NAV1: variants seen among roughly 807,000 people sequenced by gnomAD.
NAV1 encodes the protein neuron navigator 1, also known as pore membrane and/or filament interacting like protein 3.
Under a neutral mutation model 175.2 loss-of-function variants are expected in NAV1, and 18 were observed. That is an observed-to-expected ratio of 0.10 (90% confidence interval 0.07 to 0.15). The LOEUF is 0.15. Among genes scored for constraint, NAV1 ranks in the 10% least tolerant of loss-of-function variants. NAV1 has a pLI of 1.00. For synonymous variants in NAV1, 897 were observed against 978.7 expected (o/e 0.92, Z 1.56); for missense variants, 1,731 against 2,436.6 (o/e 0.71, Z 6.10).
intron 1 of NAV1, among the ~76,000 whole-genome samples, chr1:201,545,191 G>A (rs934678629): frequency 1.3e-5 from 2 of 151,794 alleles, no homozygotes; most frequent in Non-Finnish European, 2.9e-5. Context: ...TCTCCTCCTC[G>A]TCATTCCACA....
At chr1:201,562,386 C>T (rs552426395) in intron 1 of NAV1, among the ~76,000 whole-genome samples, 7 of 152,164 alleles carry the variant, frequency 4.6e-5, no homozygotes, top group Non-Finnish European at 8.8e-5. Context: ...AAAGCATTTC[C>T]GAAGTGGAGA....
chr1:201,647,520 T>A (rs1165900105), upstream of NAV1, among the ~76,000 whole-genome samples: 1 of 152,044 alleles, frequency 6.6e-6, no homozygotes, highest in Non-Finnish European at 1.5e-5. Flanking sequence ...TTTGACAAGG[T>A]CACATTGCTA....
At position 201,681,712 on chromosome 1, in the gene NAV1, G is replaced by A. The variant is rs149229590; in HGVS notation, c.758-31105G>A. On this transcript the variant is annotated intron_variant, in intron 1 of 29. Coordinates refer to ENST00000367296, the Ensembl canonical transcript of NAV1. ...TTTCCAGCCAGGCGCAGTGGCTCACGCCTGTAATCCTAGCACTTGGGGGGC... is the reference window on the plus strand; with the variant it reads ...TTTCCAGCCAGGCGCAGTGGCTCACACCTGTAATCCTAGCACTTGGGGGGC... Among the ~76,000 whole-genome samples the A allele has an allele frequency of 3.2e-3, 481 of 152,274 alleles. 2 individuals carry two copies. The East Asian group carries it at 0.039, about 12-fold the overall frequency.
At chr1:201,642,124 TTCTC>T (rs1229055610) in intron 2 of NAV1, among the ~76,000 whole-genome samples, 43 of 148,956 alleles carry the variant, frequency 2.9e-4, no homozygotes, top group African/African-American at 1.0e-3. Flanking sequence ...CTTCCCTTTC[TTCTC>T]TCTTTCTTTC....
chr1:201,721,386 A>G (rs1651864367), intron 3 of NAV1, among the ~76,000 whole-genome samples: 8 of 152,238 alleles, frequency 5.3e-5, no homozygotes, highest in Admixed American at 5.2e-4. Context: ...ATCCCCAGTA[A>G]TTTAATGTAA....
At position 201,787,337 on chromosome 1, in the gene NAV1, T is replaced by TTG. The variant is rs1283859646; in HGVS notation, c.2995+761_2995+762insGT. Among the ~76,000 whole-genome samples the TTG allele has an allele frequency of 5.3e-5, 8 of 152,166 alleles. No homozygotes were observed. The highest frequency in any genetic ancestry group is 1.3e-4 in the Admixed American group (2 of 15,276). On this transcript the variant is annotated intron_variant, in intron 9 of 29. Transcript: ENST00000367296. This position sits in a 1 kb window ranked among gnomAD's most constrained non-coding sequence, Gnocchi z 4.3. ...GCATCTCTTTAAATCCATCTCTTCT[T>TTG]TCAGCTGAGTAAAAGAAATCAGTTA... is the stretch of plus-strand genomic sequence containing the variant.
chr1:201,718,817 G>A lies in NAV1; in HGVS notation c.1226+62G>A, dbSNP rs762790875. 52 of 1,541,654 alleles carry A rather than the reference G, an allele frequency of 3.4e-5. No homozygotes were observed. The highest frequency in any genetic ancestry group is 4.4e-5 in the Non-Finnish European group (50 of 1,140,946). On this transcript the variant is annotated intron_variant, in intron 3 of 29. Coordinates refer to ENST00000367296, the Ensembl canonical transcript of NAV1. The surrounding 1 kb of genome is among the most constrained non-coding windows in gnomAD (Gnocchi z 4.8). ...GGTGGAAAGACCACTGGGATGCGACGCCTTAAAAGTGGAGTGGAACCCAAA... is the reference window on the plus strand; with the variant it reads ...GGTGGAAAGACCACTGGGATGCGACACCTTAAAAGTGGAGTGGAACCCAAA...
chr1:201,638,262 G>A (rs1424280420), intron 2 of NAV1, among the ~76,000 whole-genome samples: 1 of 152,216 alleles, frequency 6.6e-6, no homozygotes, highest in Non-Finnish European at 1.5e-5. Context: ...TCCACTAAAA[G>A]TGGACCAAGA....
chr1:201,554,490 G>A (rs755909110), intron 1 of NAV1, among the ~76,000 whole-genome samples: 2 of 152,208 alleles, frequency 1.3e-5, no homozygotes, highest in Non-Finnish European at 2.9e-5. Context: ...GTACTGTCAC[G>A]TTCCTGACAT....
chr1:201,646,695 A>C (rs1454738093), upstream of NAV1, among the ~76,000 whole-genome samples: 3 of 152,148 alleles, frequency 2.0e-5, no homozygotes, highest in Non-Finnish European at 4.4e-5. Context: ...GAAGGCAGAG[A>C]GTCCTGAGAT....
In NAV1 at chr1:201,803,848, G is replaced by A. The variant is rs532846793; in HGVS notation, c.3639+134G>A. 7.8e-5 allele frequency: 91 copies of A among 1,164,304 alleles called. No individual in the cohort carries two copies. The South Asian group carries it at 1.0e-3, about 13-fold the overall frequency. The allele number at this position is 1,164,304 out of a possible 1,614,324, so 72.1% of individuals were successfully genotyped here. A position where few individuals can be genotyped will look rare whatever the true frequency, so the allele number is the denominator to read the frequency against. On this transcript the variant is annotated intron_variant, in intron 16 of 29. Coordinates refer to ENST00000367296, the Ensembl canonical transcript of NAV1. ...AACACTGAGCCCTAGTGTGATGTCCGCTCAGAGCATGGTCTCCCAGATTCT... is the reference window on the plus strand; with the variant it reads ...AACACTGAGCCCTAGTGTGATGTCCACTCAGAGCATGGTCTCCCAGATTCT...
At chr1:201,792,821 G>A (rs1355028018) in intron 13 of NAV1, 1 of 152,222 alleles carries the variant, frequency 6.6e-6, no homozygotes, top group Non-Finnish European at 1.5e-5. Flanking sequence ...TATGAAGTAG[G>A]CTCCAGACAT....
intron 1 of NAV1, among the ~76,000 whole-genome samples, chr1:201,567,922 T>A (rs1467582076): frequency 6.6e-6 from 1 of 152,116 alleles, no homozygotes; most frequent in Non-Finnish European, 1.5e-5. Flanking sequence ...CAATTGAAGA[T>A]CAACCCTAGG....
chr1:201,677,618 C>T (rs1267541142), intron 1 of NAV1, among the ~76,000 whole-genome samples: 1 of 152,098 alleles, frequency 6.6e-6, no homozygotes, highest in Non-Finnish European at 1.5e-5. Context: ...CCTAAACTCA[C>T]CATCTTTTTT....
In NAV1 at chr1:201,788,454, C is replaced by G; in HGVS notation, c.2996-14C>G. On this transcript the variant is annotated splice_polypyrimidine_tract_variant and intron_variant, in intron 9 of 29. Transcript: ENST00000367296. The surrounding 1 kb of genome is among the most constrained non-coding windows in gnomAD (Gnocchi z 5.7). ...CTGCTCCCTCTCCTGTCCCCCTTCC[C>G]TCTGTCCTTCCAGTGAGTCCCACTG... 1 of 1,613,930 alleles carries G rather than the reference C, an allele frequency of 6.2e-7. No homozygotes were observed. Among genetic ancestry groups the G allele is most frequent in the Admixed American group, 1.7e-5 (1 of 60,024 alleles).
At chr1:201,592,856 C>T (rs749717401) in intron 2 of NAV1, among the ~76,000 whole-genome samples, 58 of 152,210 alleles carry the variant, frequency 3.8e-4, no homozygotes, top group Admixed American at 1.4e-3. Flanking sequence ...ACCCGTCAGA[C>T]CAGGAGCGAG....
At chr1:201,575,688 C>T (rs1203161310) in intron 1 of NAV1, among the ~76,000 whole-genome samples, 4 of 151,966 alleles carry the variant, frequency 2.6e-5, no homozygotes, top group East Asian at 1.9e-4. Context: ...TGGAGGAGCA[C>T]GGAGTGGTGA....
At chr1:201,573,151 G>T (rs1256454153) in intron 1 of NAV1, among the ~76,000 whole-genome samples, 2 of 152,276 alleles carry the variant, frequency 1.3e-5, no homozygotes, top group African/African-American at 2.4e-5. Context: ...CACATGGCCT[G>T]TGCCTGAGGA....
intron 15 of NAV1, chr1:201,796,619 A>G (rs1377609946): frequency 2.2e-4 from 2 of 8,988 alleles, no homozygotes; most frequent in East Asian, 0.25. Flanking sequence ...TGAGCCACAC[A>G]CCCAGCCCTT....
Sources: gnomAD v4.1 joint callset for allele counts (sites outside exome capture counted in the v4.1 genomes callset) on GRCh38, gnomAD v4.1.1 for gene constraint, Gnocchi (gnomAD v3.1) non-coding constraint, MANE v1.5 for transcripts, NCBI Gene and HGNC (gene_info 2026-07-23, HGNC 2026-07-21) for gene names.